The following UBASH3B variants were observed in gnomAD, a reference collection of about 807,000 sequenced individuals.
The protein encoded by UBASH3B is ubiquitin-associated and SH3 domain-containing protein B.
Under a neutral mutation model 83.4 loss-of-function variants are expected in UBASH3B, and 37 were observed. That is an observed-to-expected ratio of 0.44 (90% CI 0.34 to 0.58). The LOEUF is 0.58. Ranked by LOEUF, UBASH3B falls within the 20% of genes least tolerant of loss-of-function variation. The pLI, the probability that UBASH3B is intolerant of heterozygous loss-of-function variation, is 0.01. For missense variants in UBASH3B, 657 were observed against 827.2 expected (o/e 0.79, Z 2.52); for synonymous variants, 304 against 318.3 (o/e 0.96, Z 0.48).
At chr11:122,703,404 G>A (rs533798120) in intron 1 of UBASH3B, among the ~76,000 whole-genome samples, 24 of 151,768 alleles carry the variant, frequency 1.6e-4, no homozygotes, top group African/African-American at 5.6e-4. Context: ...TCCAGCCTGG[G>A]CAACAGAGCA....
chr11:122,741,518 G>A (rs958280437), intron 1 of UBASH3B, among the ~76,000 whole-genome samples: 1 of 152,166 alleles, frequency 6.6e-6, no homozygotes, highest in African/African-American at 2.4e-5. Flanking sequence ...AGTTCACATA[G>A]TGGTCAGTGA....
At chr11:122,690,297 C>T (rs1205649801) in intron 1 of UBASH3B, among the ~76,000 whole-genome samples, 2 of 98,846 alleles carry the variant, frequency 2.0e-5, no homozygotes, top group Non-Finnish European at 4.3e-5. Flanking sequence ...TATATATCTC[C>T]AATTATACAT....
intron 6 of UBASH3B, among the ~76,000 whole-genome samples, chr11:122,792,467 T>C (rs1861075283): frequency 6.6e-6 from 1 of 152,026 alleles, no homozygotes; most frequent in African/African-American, 2.4e-5. Flanking sequence ...TACAGGTGTG[T>C]GCCACCACGC....
intron 7 of UBASH3B, among the ~76,000 whole-genome samples, chr11:122,795,898 A>G (rs926548499): frequency 1.3e-5 from 2 of 152,208 alleles, no homozygotes; most frequent in Admixed American, 1.3e-4. Flanking sequence ...TTAATGGCCA[A>G]ATGCTACTCC....
At chr11:122,663,711 C>T (rs12805800) in intron 1 of UBASH3B, among the ~76,000 whole-genome samples, 1 of 152,140 alleles carries the variant, frequency 6.6e-6, no homozygotes, top group Non-Finnish European at 1.5e-5. Context: ...CTGAAGAGAC[C>T]CCATCATTAT....
chr11:122,699,573 C>CTTTCTTTCTTTCT (rs1565533670), intron 1 of UBASH3B, among the ~76,000 whole-genome samples: 1 of 86,190 alleles, frequency 1.2e-5, no homozygotes, highest in East Asian at 3.4e-4. Context: ...TTCTTTCTTT[C>CTTTCTTTCTTTCT]TTTTCTTTCT....
intron 12 of UBASH3B, among the ~76,000 whole-genome samples, chr11:122,807,544 T>A (rs1274498414): frequency 6.6e-6 from 1 of 152,102 alleles, no homozygotes; most frequent in Non-Finnish European, 1.5e-5. Flanking sequence ...CTCCCATAAA[T>A]CCATAATTAT....
At chr11:122,715,771 G>T (rs779914818) in intron 1 of UBASH3B, among the ~76,000 whole-genome samples, 31 of 152,174 alleles carry the variant, frequency 2.0e-4, no homozygotes, top group Non-Finnish European at 3.1e-4. Context: ...ACAACATATG[G>T]CTTCCCAGCC....
intron 1 of UBASH3B, among the ~76,000 whole-genome samples, chr11:122,718,052 G>C (rs1860556152): frequency 6.6e-6 from 1 of 152,016 alleles, no homozygotes; most frequent in South Asian, 2.1e-4. Flanking sequence ...CTCCCAAGTA[G>C]CTGGGATTAC....
intron 12 of UBASH3B, among the ~76,000 whole-genome samples, chr11:122,807,176 A>G (rs1433601653): frequency 6.6e-6 from 1 of 152,180 alleles, no homozygotes; most frequent in East Asian, 1.9e-4. Flanking sequence ...AAAGGTACAC[A>G]ACATGTTCTA....
At chr11:122,688,321 T>C (rs1863833833) in intron 1 of UBASH3B, among the ~76,000 whole-genome samples, 1 of 152,040 alleles carries the variant, frequency 6.6e-6, no homozygotes, top group Non-Finnish European at 1.5e-5. Context: ...TGGAGCGTAG[T>C]GGCACGATCT....
chr11:122,773,676 C>T (rs1860685319), intron 1 of UBASH3B, among the ~76,000 whole-genome samples: 1 of 152,104 alleles, frequency 6.6e-6, no homozygotes, highest in African/African-American at 2.4e-5. Context: ...TTTGGATTTC[C>T]TTAGCCTTTC....
chr11:122,753,858 G>T (rs2135970111), intron 1 of UBASH3B, among the ~76,000 whole-genome samples: 1 of 152,088 alleles, frequency 6.6e-6, no homozygotes, highest in African/African-American at 2.4e-5. Context: ...CCTTCACCAG[G>T]GAATACTACA....
At chr11:122,745,836 G>A (rs1054229939) in intron 1 of UBASH3B, among the ~76,000 whole-genome samples, 1 of 152,114 alleles carries the variant, frequency 6.6e-6, no homozygotes. Flanking sequence ...TGTCCCTTCT[G>A]GGGCAGAGGT....
At chr11:122,765,638 G>A (rs1303543419) in intron 1 of UBASH3B, among the ~76,000 whole-genome samples, 1 of 152,226 alleles carries the variant, frequency 6.6e-6, no homozygotes, top group African/African-American at 2.4e-5. Flanking sequence ...ACTAGAAGTG[G>A]TTGATAATTA....
At chr11:122,794,922 G>A in intron 7 of UBASH3B, 88 bp downstream of exon 7, 1 of 1,545,100 alleles carries the variant, frequency 6.5e-7, no homozygotes. Flanking sequence ...TGCCCTTGCT[G>A]TCTCCAAAGC....
chr11:122,657,239 T>C (rs1304237948), intron 1 of UBASH3B, among the ~76,000 whole-genome samples: 7 of 152,154 alleles, frequency 4.6e-5, no homozygotes, highest in Non-Finnish European at 1.5e-5. Flanking sequence ...GCCAAGTAAA[T>C]GAAAGTCCTT....
intron 1 of UBASH3B, among the ~76,000 whole-genome samples, chr11:122,773,788 A>C (rs547119642): frequency 1.3e-5 from 2 of 152,200 alleles, no homozygotes; most frequent in Admixed American, 1.3e-4. Context: ...TCACTTAATT[A>C]GATCTTTCAT....
rs1451996374 is a variant in UBASH3B at position 122,711,198 on chromosome 11, T to G, written c.161+54988T>G. Among the ~76,000 whole-genome samples, 4 of 152,266 alleles carry G rather than the reference T, an allele frequency of 2.6e-5. No individual in the cohort carries two copies. The East Asian group carries it at 7.7e-4, about 29-fold the overall frequency. ...TCTTTATACACTCTGGCAAGGGAGC[T>G]CCTAATCTTGCAGTCCCAGGCTCCC... On this transcript the variant is annotated intron_variant, in intron 1 of 13. Transcript: ENST00000284273.
Sources: allele counts gnomAD v4.1 joint callset (sites outside exome capture counted in the v4.1 genomes callset), GRCh38; gene constraint gnomAD v4.1.1; transcripts MANE v1.5; gene names NCBI Gene and HGNC (gene_info 2026-07-23, HGNC 2026-07-21).